Variants in ZFHX4 observed in about 807,000 individuals in gnomAD.
ZFHX4 encodes the protein zinc finger homeobox 4.
Under a neutral mutation model 267.6 loss-of-function variants are expected in ZFHX4, and 56 were observed. The ratio of observed to expected loss-of-function variants is 0.21; its 90% confidence interval spans 0.17 to 0.26. ZFHX4 has a LOEUF of 0.26. Among genes scored for constraint, ZFHX4 ranks in the 10% least tolerant of loss-of-function variants. The pLI, the probability that ZFHX4 is intolerant of heterozygous loss-of-function variation, is 1.00. For missense variants in ZFHX4, 4,332 were observed against 4,420.0 expected, an observed-to-expected ratio of 0.98 and a Z score of 0.56; for synonymous variants, 1,778 against 1,665.6, an observed-to-expected ratio of 1.07 and a Z score of -1.64.
rs1812933458 is a variant in ZFHX4, at chr8:76,863,481, C to T, written c.9767C>T (p.Ser3256Phe). ...LQNAIAGDPA[S>F]FIGGQFLPYF... Reference sequence around the variant, plus strand: ...AATGCAATTGCTGGTGACCCAGCTTCCTTTATAGGCGGACAGTTCTTGCCA... The same window carrying T: ...AATGCAATTGCTGGTGACCCAGCTTTCTTTATAGGCGGACAGTTCTTGCCA... The change falls in exon 11 of 11, where the codon TCC (serine) becomes TTC (phenylalanine). Residue 3256 changes from serine to phenylalanine, a missense_variant. Ser to Phe is a radical substitution (Grantham distance 155). Coordinates refer to ENST00000651372, the MANE Select transcript of ZFHX4 (RefSeq NM_024721.5). 3 of 1,613,526 alleles carry T rather than the reference C, an allele frequency of 1.9e-6. No individual in the cohort carries two copies. The highest frequency in any genetic ancestry group is 2.5e-6 in the Non-Finnish European group (3 of 1,179,790).
chr8:76,847,836 T>A (rs536064918), intron 6 of ZFHX4, among the ~76,000 whole-genome samples: 2 of 152,214 alleles, frequency 1.3e-5, no homozygotes, highest in East Asian at 3.9e-4. Context: ...TGTTCATTCA[T>A]ATGAACCGTA....
At chr8:76,749,892 C>T (rs1469928099) in intron 3 of ZFHX4, among the ~76,000 whole-genome samples, 1 of 152,026 alleles carries the variant, frequency 6.6e-6, no homozygotes, top group Non-Finnish European at 1.5e-5. Flanking sequence ...AGGTTGATTG[C>T]ATTATAAAAT....
intron 3 of ZFHX4, among the ~76,000 whole-genome samples, chr8:76,715,925 G>T (rs764747154): frequency 4.6e-5 from 7 of 152,158 alleles, no homozygotes; most frequent in Admixed American, 1.3e-4. Flanking sequence ...TAAGGGGTTA[G>T]TGTTAGGACT....
chr8:76,758,490 T>TTGTC (rs1489169913), intron 3 of ZFHX4, among the ~76,000 whole-genome samples: 1 of 152,032 alleles, frequency 6.6e-6, no homozygotes, highest in Non-Finnish European at 1.5e-5. Context: ...GTTTTTTTGT[T>TTGTC]TGTTTGTTTG....
intron 6 of ZFHX4, among the ~76,000 whole-genome samples, chr8:76,846,185 A>T (rs1408509602): frequency 6.6e-6 from 1 of 152,084 alleles, no homozygotes; most frequent in Admixed American, 6.6e-5. Flanking sequence ...TTGAGTAAGA[A>T]AGGCATACAC....
chr8:76,846,440 A>G (rs1411745844), intron 6 of ZFHX4, among the ~76,000 whole-genome samples: 2 of 152,036 alleles, frequency 1.3e-5, no homozygotes, highest in Admixed American at 6.6e-5. Flanking sequence ...GGTTTAAGTT[A>G]ATTAGCCAGA....
intron 4 of ZFHX4, among the ~76,000 whole-genome samples, chr8:76,812,816 T>G (rs992837867): frequency 2.0e-5 from 3 of 152,190 alleles, no homozygotes; most frequent in Non-Finnish European, 4.4e-5. Context: ...TATTATGTAA[T>G]TTACAATTGC....
At chr8:76,727,942 A>T (rs1322054869) in intron 3 of ZFHX4, among the ~76,000 whole-genome samples, 1 of 152,172 alleles carries the variant, frequency 6.6e-6, no homozygotes, top group Non-Finnish European at 1.5e-5. Context: ...TCACTTGTTT[A>T]GGATTATGCT....
At position 76,754,556 on chromosome 8, in the gene ZFHX4, C is replaced by T. The variant is rs200253048; in HGVS notation, c.3094-23652C>T. Reference sequence around the variant, plus strand: ...CATTTTTTGTTTTGTTTTGTTTTTCCTTTTACTTTAGTTTATAGATAATAA... The same window carrying T: ...CATTTTTTGTTTTGTTTTGTTTTTCTTTTTACTTTAGTTTATAGATAATAA... On this transcript the variant is annotated intron_variant, in intron 3 of 10. Coordinates refer to ENST00000651372, the MANE Select transcript of ZFHX4 (RefSeq NM_024721.5). 1.6e-4 allele frequency among the ~76,000 whole-genome samples: 25 copies of T among 151,710 alleles called. No homozygotes were observed. In the East Asian group the frequency reaches 4.5e-3, roughly 27 times the overall value.
intron 3 of ZFHX4, among the ~76,000 whole-genome samples, chr8:76,761,784 CA>C (rs1418911719): frequency 6.6e-6 from 1 of 152,130 alleles, no homozygotes; most frequent in Non-Finnish European, 1.5e-5. Context: ...GGTTTAGAAG[CA>C]AATGTCTCCA....
intron 1 of ZFHX4, among the ~76,000 whole-genome samples, chr8:76,701,059 T>C (rs1808090085): frequency 6.6e-6 from 1 of 152,194 alleles, no homozygotes; most frequent in Non-Finnish European, 1.5e-5. Flanking sequence ...AGACCTCGTC[T>C]GACATTGACG....
Position 76,704,187 on chromosome 8 carries a change from G to A in ZFHX4, c.99G>A (p.Glu33=). Reference sequence around the variant, plus strand: ...CACAACTTGATAATGAGGTGCCAGAGAAAGTTGCAGGGATGGAGCCTGACA... The same window carrying A: ...CACAACTTGATAATGAGGTGCCAGAAAAAGTTGCAGGGATGGAGCCTGACA... ...GTTQLDNEVP[E]KVAGMEPDRE... The change falls in exon 2 of 11, where the codon GAG becomes GAA. Residue 33 remains glutamate, a synonymous_variant. Coordinates refer to ENST00000651372, the MANE Select transcript of ZFHX4 (RefSeq NM_024721.5). 1.2e-6 allele frequency: 2 copies of A among 1,614,022 alleles called. No individual in the cohort carries two copies. The highest frequency in any genetic ancestry group is 1.7e-6 in the Non-Finnish European group (2 of 1,179,894).
rs143977767 is a variant in ZFHX4, at chr8:76,719,732, G to C, written c.3093+11684G>C. 2.4e-3 allele frequency among the ~76,000 whole-genome samples: 369 copies of C among 152,234 alleles called. 1 individual carries two copies. The highest frequency in any genetic ancestry group is 8.2e-3 in the African/African-American group (340 of 41,550). On this transcript the variant is annotated intron_variant, in intron 3 of 10. Transcript: ENST00000651372. The stretch of plus-strand genomic sequence containing the variant: ...TTTAGAGACATCCTTGAAATTCAGA[G>C]TATTAGGTAACCCAAACAAGTATCT...
At chr8:76,734,619 C>T (rs1411546906) in intron 3 of ZFHX4, among the ~76,000 whole-genome samples, 1 of 152,120 alleles carries the variant, frequency 6.6e-6, no homozygotes, top group South Asian at 2.1e-4. Context: ...CTGAGTATCA[C>T]TGGATCATTT....
intron 3 of ZFHX4, among the ~76,000 whole-genome samples, chr8:76,736,338 T>A (rs1229540004): frequency 6.6e-6 from 1 of 152,108 alleles, no homozygotes; most frequent in African/African-American, 2.4e-5. Flanking sequence ...AAATTGAATT[T>A]TTATTAATAA....
chr8:76,738,254 T>TATGA, intron 3 of ZFHX4, among the ~76,000 whole-genome samples: 1 of 152,262 alleles, frequency 6.6e-6, no homozygotes, highest in East Asian at 1.9e-4. Context: ...TCCTGAGGCT[T>TATGA]ATGAATGTGT....
intron 3 of ZFHX4, among the ~76,000 whole-genome samples, chr8:76,763,566 T>G (rs1585920295): frequency 6.6e-6 from 1 of 152,218 alleles, no homozygotes; most frequent in East Asian, 1.9e-4. Flanking sequence ...GAGGCTGCAG[T>G]GAGCCGTGAT....
At chr8:76,684,926 T>C (rs1807653012) in intron 1 of ZFHX4, among the ~76,000 whole-genome samples, 1 of 152,190 alleles carries the variant, frequency 6.6e-6, no homozygotes, top group Non-Finnish European at 1.5e-5. Context: ...ATTTACACAA[T>C]GAAATTTGAT....
chr8:76,837,158 G>A (rs1812113812), intron 5 of ZFHX4, among the ~76,000 whole-genome samples: 1 of 152,116 alleles, frequency 6.6e-6, no homozygotes, highest in South Asian at 2.1e-4. Context: ...TGTAGATAGA[G>A]AAAGGGCTTA....
Sources: gnomAD v4.1 joint callset for allele counts (sites outside exome capture counted in the v4.1 genomes callset) on GRCh38, gnomAD v4.1.1 for gene constraint, MANE v1.5 for transcripts, NCBI Gene and HGNC (gene_info 2026-07-23, HGNC 2026-07-21) for gene names.